The following CCSER2 variants were observed in gnomAD, a reference collection of about 807,000 sequenced individuals.
CCSER2 encodes serine-rich coiled-coil domain-containing protein 2.
In CCSER2, 46 loss-of-function variants were observed where a neutral mutation model predicts 92.3. The observed-to-expected ratio is 0.50, with a 90% CI of 0.39 to 0.64. CCSER2 has a LOEUF of 0.64. CCSER2 is among the 30% of genes least tolerant of loss of function. CCSER2 has a pLI of 0.00. For synonymous variants in CCSER2, 433 were observed against 431.4 expected, an observed-to-expected ratio of 1.00 and a Z score of -0.04; for missense variants, 1,244 against 1,238.9, an observed-to-expected ratio of 1.00 and a Z score of -0.06.
intron 3 of CCSER2, 41 bp from the exon 4 acceptor site, chr10:84,417,730 G>A: frequency 1.1e-6 from 1 of 935,220 alleles, no homozygotes; most frequent in Non-Finnish European, 1.8e-6. Flanking sequence ...CATATCCTTA[G>A]AGCTAGATTA....
intron 3 of CCSER2, chr10:84,390,835 G>A (rs899900758): frequency 6.2e-5 from 33 of 534,232 alleles, no homozygotes; most frequent in Non-Finnish European, 1.0e-4. Context: ...GATGATCTTG[G>A]ACATCTTAAT....
At chr10:84,347,970 T>G (rs1047396556) in intron 1 of CCSER2, among the ~76,000 whole-genome samples, 1 of 144,116 alleles carries the variant, frequency 6.9e-6, no homozygotes, top group Non-Finnish European at 1.5e-5. Flanking sequence ...CTTCCCAGAC[T>G]GGGCAGCCGG....
chr10:84,354,761 C>T (rs61865021), intron 1 of CCSER2, among the ~76,000 whole-genome samples: 1 of 151,388 alleles, frequency 6.6e-6, no homozygotes, highest in African/African-American at 2.4e-5. Context: ...AACACCCTCG[C>T]GTATGCTCTC....
At chr10:84,360,545 A>T (rs1470274057) in intron 1 of CCSER2, among the ~76,000 whole-genome samples, 2 of 152,232 alleles carry the variant, frequency 1.3e-5, no homozygotes, top group African/African-American at 4.8e-5. Context: ...TACATACAAT[A>T]AAATACATAA....
At chr10:84,396,185 C>CTGTGTGTG (rs11467455) in intron 3 of CCSER2, among the ~76,000 whole-genome samples, 186 of 145,802 alleles carry the variant, frequency 1.3e-3, no homozygotes, top group African/African-American at 3.7e-3. Context: ...TTATTCAACA[C>CTGTGTGTG]TGTGTGTGTG....
rs1167460274 is a variant in CCSER2 at position 84,501,834 on chromosome 10, A to AAAT, written c.2326-11614_2326-11613insATA. On this transcript the variant is annotated intron_variant, in intron 9 of 9. Transcript: ENST00000372088. ...TTAGTCATCTAGGGAAAAAAAAAAA[A>AAAT]ATATATATATATATATATATATATA... Among the ~76,000 whole-genome samples, 83 of 40,154 alleles carry AAAT rather than the reference A, an allele frequency of 2.1e-3. 1 individual carries two copies. Among genetic ancestry groups the AAAT allele is most frequent in the African/African-American group, 3.3e-3 (71 of 21,382 alleles). The allele number at this position is 40,154 out of a possible 152,430, so 26.3% of individuals were successfully genotyped here.
intron 9 of CCSER2, among the ~76,000 whole-genome samples, chr10:84,510,796 T>C (rs1849308733): frequency 6.6e-6 from 1 of 152,324 alleles, no homozygotes; most frequent in East Asian, 1.9e-4. Flanking sequence ...GCAGGGGTAA[T>C]TAGCGGCAAT....
chr10:84,349,063 A>G (rs754123691), intron 1 of CCSER2, among the ~76,000 whole-genome samples: 50 of 151,986 alleles, frequency 3.3e-4, no homozygotes, highest in Non-Finnish European at 5.9e-4. Flanking sequence ...TTTTTTTTCA[A>G]TTGGCCCAGT....
chr10:84,499,367 C>G lies in CCSER2; in HGVS notation c.2326-14082C>G, dbSNP rs547457944. Among the ~76,000 whole-genome samples the G allele has an allele frequency of 2.0e-5, 3 of 152,274 alleles. No individual in the cohort carries two copies. The East Asian group carries it at 5.8e-4, about 29-fold the overall frequency. On this transcript the variant is annotated intron_variant, in intron 9 of 9. Transcript: ENST00000372088. ...GCCAGGCTGGTCTTCAACTCCTGAC[C>G]TCGTGATCCACCCGCCTCATCCTCC...
At chr10:84,332,547 T>C (rs1328396072) in intron 1 of CCSER2, among the ~76,000 whole-genome samples, 1 of 149,694 alleles carries the variant, frequency 6.7e-6, no homozygotes, top group Non-Finnish European at 1.5e-5. Flanking sequence ...CAAGCGATTC[T>C]CTTGCCTCAG....
chr10:84,355,300 C>T (rs1845103103), intron 1 of CCSER2, among the ~76,000 whole-genome samples: 1 of 152,160 alleles, frequency 6.6e-6, no homozygotes, highest in African/African-American at 2.4e-5. Flanking sequence ...ATTTCTGAAA[C>T]CCTGTTCACT....
chr10:84,393,680 T>A (rs1435931072), intron 3 of CCSER2, among the ~76,000 whole-genome samples: 1 of 152,246 alleles, frequency 6.6e-6, no homozygotes, highest in Non-Finnish European at 1.5e-5. Context: ...TCTACTTACA[T>A]GTATTCCTGT....
At chr10:84,376,997 T>C (rs958500450) in intron 3 of CCSER2, among the ~76,000 whole-genome samples, 13 of 152,098 alleles carry the variant, frequency 8.5e-5, no homozygotes, top group African/African-American at 3.1e-4. Flanking sequence ...GTGAAGTGTC[T>C]TGTGTTGGGT....
chr10:84,374,837 T>G (rs931306640), intron 3 of CCSER2, among the ~76,000 whole-genome samples: 1 of 152,212 alleles, frequency 6.6e-6, no homozygotes, highest in Admixed American at 6.5e-5. Flanking sequence ...GTGGATATAT[T>G]AAATTCCAAG....
chr10:84,476,445 T>G (rs1324738799), intron 8 of CCSER2, among the ~76,000 whole-genome samples: 2 of 126,820 alleles, frequency 1.6e-5, no homozygotes, highest in Non-Finnish European at 3.3e-5. Flanking sequence ...CTTTTTTTTT[T>G]TTTTTTTTTT....
At chr10:84,455,843 T>C (rs1236466236) in intron 6 of CCSER2, 4 of 784,930 alleles carry the variant, frequency 5.1e-6, no homozygotes, top group Non-Finnish European at 9.2e-6. Flanking sequence ...TTTCACTGTA[T>C]ATCCCATTGT....
At chr10:84,480,071 G>T (rs548046501) in intron 9 of CCSER2, among the ~76,000 whole-genome samples, 1 of 152,184 alleles carries the variant, frequency 6.6e-6, no homozygotes, top group South Asian at 2.1e-4. Flanking sequence ...TTGAGACAGG[G>T]TCTTGGTCTG....
chr10:84,371,014 ATTCT>A lies in CCSER2; in HGVS notation c.-35_-32del. The A allele has an allele frequency of 1.5e-6, 2 of 1,325,990 alleles. No homozygotes were observed. Among genetic ancestry groups the A allele is most frequent in the Non-Finnish European group, 2.1e-6 (2 of 970,914 alleles). The allele number at this position is 1,325,990 out of a possible 1,614,324, so 82.1% of individuals were successfully genotyped here. The stretch of plus-strand genomic sequence containing the variant: ...ATGTACTTCTTTTTTCTCTTCACAG[ATTCT>A]TTCAACTTTTAAGAACAAATGCACC... On this transcript the variant is annotated splice_region_variant and 5_prime_UTR_variant, in exon 2 of 10. Coordinates refer to ENST00000372088, the MANE Select transcript of CCSER2 (RefSeq NM_001284240.2).
At chr10:84,340,350 G>C (rs1228282380) in intron 1 of CCSER2, among the ~76,000 whole-genome samples, 1 of 152,050 alleles carries the variant, frequency 6.6e-6, no homozygotes, top group Non-Finnish European at 1.5e-5. Context: ...CCCACTTATA[G>C]ACACTCAATA....
Sources: allele counts gnomAD v4.1 joint callset (sites outside exome capture counted in the v4.1 genomes callset), GRCh38; gene constraint gnomAD v4.1.1; transcripts MANE v1.5; gene names NCBI Gene and HGNC (gene_info 2026-07-23, HGNC 2026-07-21).